ARHGAP24: variants seen among roughly 807,000 people sequenced by gnomAD.
The protein encoded by ARHGAP24 is rho GTPase-activating protein 24.
A neutral mutation model predicts 76.4 loss-of-function variants in ARHGAP24; 50 were observed. The ratio of observed to expected loss-of-function variants is 0.65; its 90% confidence interval spans 0.52 to 0.83. The LOEUF is 0.83. Among genes scored for constraint, ARHGAP24 ranks in the 40% least tolerant of loss-of-function variants. The probability of loss-of-function intolerance (pLI) is 0.00; values close to 1 mark genes in which losing one functional copy is unlikely to be tolerated. For missense variants in ARHGAP24, 930 were observed against 914.2 expected (o/e 1.02, Z -0.22); for synonymous variants, 345 against 323.3 (o/e 1.07, Z -0.72).
chr4:85,673,440 A>G lies in ARHGAP24; in HGVS notation c.181-48445A>G, dbSNP rs1418244005. Among the ~76,000 whole-genome samples, 3 of 152,022 alleles carry G rather than the reference A, an allele frequency of 2.0e-5. No individual in the cohort carries two copies. In the East Asian group the frequency reaches 5.8e-4, roughly 30 times the overall value. On this transcript the variant is annotated intron_variant, in intron 2 of 9. Coordinates refer to ENST00000395184, the MANE Select transcript of ARHGAP24 (RefSeq NM_001025616.3). ...TTTCAACCACTCCATGGTTTGGAAA[A>G]TATGAAATCTCTGTGAACTCTCTTT...
At chr4:85,620,847 C>G (rs1578083610) in intron 2 of ARHGAP24, among the ~76,000 whole-genome samples, 1 of 151,932 alleles carries the variant, frequency 6.6e-6, no homozygotes, top group East Asian at 1.9e-4. Flanking sequence ...TTGTATAATG[C>G]TAGCGTTTGA....
At chr4:85,610,452 A>C (rs13140224) in intron 2 of ARHGAP24, among the ~76,000 whole-genome samples, 2 of 12,058 alleles carry the variant, frequency 1.7e-4, no homozygotes, top group Non-Finnish European at 3.6e-4. Flanking sequence ...CTCCATCTAC[A>C]AAAAAAAAAA....
chr4:85,597,468 G>A (rs1277036587), intron 2 of ARHGAP24, among the ~76,000 whole-genome samples: 1 of 151,978 alleles, frequency 6.6e-6, no homozygotes, highest in Non-Finnish European at 1.5e-5. Flanking sequence ...TTGCTGAAAA[G>A]GGTGAGGGGT....
intron 2 of ARHGAP24, among the ~76,000 whole-genome samples, chr4:85,635,489 A>G (rs1192465412): frequency 2.0e-5 from 3 of 151,750 alleles, no homozygotes; most frequent in Non-Finnish European, 4.4e-5. Context: ...TCCTCATTTC[A>G]CTGAGAAGTG....
chr4:85,529,339 T>C (rs1186220611), intron 1 of ARHGAP24, among the ~76,000 whole-genome samples: 1 of 152,032 alleles, frequency 6.6e-6, no homozygotes, highest in South Asian at 2.1e-4. Flanking sequence ...TTTTGCTAAA[T>C]TTTGGACTAT....
intron 3 of ARHGAP24, among the ~76,000 whole-genome samples, chr4:85,915,624 T>C (rs971763601): frequency 1.3e-5 from 2 of 151,040 alleles, no homozygotes; most frequent in South Asian, 2.1e-4. Flanking sequence ...CCTGTATTCA[T>C]GTGTTCTCGT....
intron 3 of ARHGAP24, among the ~76,000 whole-genome samples, chr4:85,824,745 A>T (rs1729633239): frequency 6.6e-6 from 1 of 152,082 alleles, no homozygotes; most frequent in Non-Finnish European, 1.5e-5. Context: ...ATGTGCTCTT[A>T]TTTTCTGCCA....
At chr4:85,732,117 T>C (rs1030784417) in intron 3 of ARHGAP24, among the ~76,000 whole-genome samples, 6 of 152,206 alleles carry the variant, frequency 3.9e-5, no homozygotes, top group Admixed American at 3.9e-4. Flanking sequence ...TTCAATCTAA[T>C]CAAGCTATGA....
chr4:85,610,627 C>T lies in ARHGAP24; in HGVS notation c.180+39906C>T, dbSNP rs147328824. Among the ~76,000 whole-genome samples, 242 of 152,160 alleles carry T rather than the reference C, an allele frequency of 1.6e-3. 1 individual carries two copies. The highest frequency in any genetic ancestry group is 5.3e-3 in the African/African-American group (220 of 41,508). ...GAAATTATCTCAAGGTGGTTTCTAG[C>T]GTCGTGGGGAAAAAGTGTCACACTG... On this transcript the variant is annotated intron_variant, in intron 2 of 9. Coordinates refer to ENST00000395184, the MANE Select transcript of ARHGAP24 (RefSeq NM_001025616.3).
intron 3 of ARHGAP24, among the ~76,000 whole-genome samples, chr4:85,851,207 GCTTT>G (rs111844651): frequency 0.083 from 12,552 of 152,114 alleles, 753 homozygotes; most frequent in African/African-American, 0.15. Context: ...TATGTAAATG[GCTTT>G]CTTTGTCTCT....
chr4:85,856,888 C>G (rs781669108), intron 3 of ARHGAP24, among the ~76,000 whole-genome samples: 15 of 152,114 alleles, frequency 9.9e-5, no homozygotes, highest in Admixed American at 7.2e-4. Flanking sequence ...TTTAGTAACA[C>G]ACATATTTCA....
At chr4:85,631,826 CTAA>C (rs1203064416) in intron 2 of ARHGAP24, among the ~76,000 whole-genome samples, 1 of 152,036 alleles carries the variant, frequency 6.6e-6, no homozygotes, top group African/African-American at 2.4e-5. Flanking sequence ...CTACTGTCAT[CTAA>C]TGTTGACTAT....
intron 3 of ARHGAP24, 106 bp from the exon 4 acceptor site, chr4:85,923,542 T>C (rs1268857370): frequency 1.3e-6 from 2 of 1,485,526 alleles, no homozygotes; most frequent in Non-Finnish European, 1.8e-6. Context: ...TAGAACTTAG[T>C]GCGGGCTGTA....
chr4:85,702,959 AG>A (rs1724153711), intron 2 of ARHGAP24, among the ~76,000 whole-genome samples: 1 of 152,070 alleles, frequency 6.6e-6, no homozygotes, highest in Admixed American at 6.6e-5. Context: ...AGAAAGGCAA[AG>A]GTGGAGGTCA....
chr4:85,851,368 A>G (rs1731222337), intron 3 of ARHGAP24, among the ~76,000 whole-genome samples: 1 of 152,154 alleles, frequency 6.6e-6, no homozygotes, highest in South Asian at 2.1e-4. Flanking sequence ...GGTCTCCTGA[A>G]TACAGCACGT....
intron 1 of ARHGAP24, among the ~76,000 whole-genome samples, chr4:85,520,344 T>A (rs1040426414): frequency 1.3e-5 from 2 of 152,082 alleles, no homozygotes; most frequent in East Asian, 3.9e-4. Flanking sequence ...CATTTTTTCA[T>A]GGAACACAGA....
chr4:85,727,152 G>A (rs1056733597), intron 3 of ARHGAP24, among the ~76,000 whole-genome samples: 3 of 152,130 alleles, frequency 2.0e-5, no homozygotes, highest in South Asian at 2.1e-4. Context: ...CCCAGGAGGC[G>A]GAGGTTGTGG....
rs77178270 is a variant in ARHGAP24, at chr4:85,752,143, C to A, written c.268+30171C>A. 1.7e-3 allele frequency among the ~76,000 whole-genome samples: 265 copies of A among 152,326 alleles called. 8 individuals are homozygous for A. The East Asian group carries it at 0.047, about 27-fold the overall frequency. ...GATAGAAGCACTGAGCCACTTCAGTCATCTAACAGGTGCTCACTCTGCCTT... is the reference window on the plus strand; with the variant it reads ...GATAGAAGCACTGAGCCACTTCAGTAATCTAACAGGTGCTCACTCTGCCTT... On this transcript the variant is annotated intron_variant, in intron 3 of 9. Coordinates refer to ENST00000395184, the MANE Select transcript of ARHGAP24 (RefSeq NM_001025616.3).
At chr4:85,808,078 G>A (rs953108845) in intron 3 of ARHGAP24, among the ~76,000 whole-genome samples, 2 of 152,028 alleles carry the variant, frequency 1.3e-5, no homozygotes, top group South Asian at 2.1e-4. Flanking sequence ...CATAGTTGTC[G>A]GTTGCTTCTT....
Sources: gnomAD v4.1 joint callset for allele counts (sites outside exome capture counted in the v4.1 genomes callset) on GRCh38, gnomAD v4.1.1 for gene constraint, MANE v1.5 for transcripts, NCBI Gene and HGNC (gene_info 2026-07-23, HGNC 2026-07-21) for gene names.